TTC7B: variants seen among roughly 807,000 people sequenced by gnomAD.
The protein encoded by TTC7B is tetratricopeptide repeat domain 7B.
TTC7B carries 28 observed loss-of-function variants against 106.8 expected under a neutral mutation model. The observed-to-expected ratio is 0.26, with a 90% CI of 0.19 to 0.36. The LOEUF is 0.36. TTC7B is among the 10% of genes least tolerant of loss of function. The pLI is 1.00. For synonymous variants in TTC7B, 405 were observed against 430.6 expected (o/e 0.94, Z 0.74); for missense variants, 862 against 1,076.4 (o/e 0.80, Z 2.79).
intron 15 of TTC7B, among the ~76,000 whole-genome samples, chr14:90,620,760 A>T (rs1051291923): frequency 6.6e-6 from 1 of 152,262 alleles, no homozygotes; most frequent in Non-Finnish European, 1.5e-5. Flanking sequence ...ACAGAATGCC[A>T]GAGTGCGTCT....
At chr14:90,707,791 A>C (rs554508357) in intron 5 of TTC7B, among the ~76,000 whole-genome samples, 1 of 152,186 alleles carries the variant, frequency 6.6e-6, no homozygotes, top group South Asian at 2.1e-4. Flanking sequence ...GCAGAGGAAA[A>C]GTTTGAACCT....
At chr14:90,669,644 G>A (rs1489192707) in intron 9 of TTC7B, among the ~76,000 whole-genome samples, 2 of 151,658 alleles carry the variant, frequency 1.3e-5, no homozygotes, top group Non-Finnish European at 2.9e-5. Flanking sequence ...CACCAAAGAA[G>A]ATATACAAAT....
intron 9 of TTC7B, among the ~76,000 whole-genome samples, chr14:90,671,155 T>C (rs190420398): frequency 1.3e-5 from 2 of 152,262 alleles, no homozygotes; most frequent in Admixed American, 6.5e-5. Context: ...CTGCACGCAA[T>C]GCTGAACTTT....
intron 5 of TTC7B, 114 bp downstream of exon 5, chr14:90,729,961 T>C (rs1392072914): frequency 4.3e-6 from 5 of 1,151,066 alleles, no homozygotes; most frequent in African/African-American, 3.2e-5. Flanking sequence ...AAAGTTCCAA[T>C]GGTAGTTCAT....
chr14:90,657,409 G>T lies in TTC7B; in HGVS notation c.1237-131C>A. 1.4e-6 allele frequency: 1 copy of T among 728,050 alleles called. No homozygotes were observed. Among genetic ancestry groups the T allele is most frequent in the Non-Finnish European group, 2.2e-6 (1 of 452,626 alleles). 45.1% of individuals were successfully genotyped at this position (728,050 alleles called of 1,614,324 possible). On this transcript the variant is annotated intron_variant, in intron 10 of 19. Coordinates refer to ENST00000328459, the MANE Select transcript of TTC7B (RefSeq NM_001010854.2). The surrounding 1 kb of genome is among the most constrained non-coding windows in gnomAD (Gnocchi z 4.2). ...TGTCCAACTTTAAGCCCAAGCAAGC[G>T]GGGGCCTGAGGTGCATGAAAACCAG... is the stretch of plus-strand genomic sequence containing the variant.
chr14:90,552,567 G>T (rs1311491024), intron 19 of TTC7B, among the ~76,000 whole-genome samples: 1 of 152,176 alleles, frequency 6.6e-6, no homozygotes, highest in East Asian at 1.9e-4. Context: ...GAACATTCGT[G>T]TGGCCACTTC....
chr14:90,685,224 AGAGACTGTGGAGAAG>A (rs1887210040), intron 7 of TTC7B, among the ~76,000 whole-genome samples: 3 of 152,208 alleles, frequency 2.0e-5, no homozygotes, highest in Admixed American at 6.5e-5. Flanking sequence ...ACTTCTCATA[AGAGACTGTGGAGAAG>A]GAGACTGTTA....
chr14:90,766,108 A>G (rs577740324), intron 3 of TTC7B, among the ~76,000 whole-genome samples: 36 of 151,050 alleles, frequency 2.4e-4, no homozygotes, highest in Admixed American at 4.6e-4. Flanking sequence ...CCCCAGGCTG[A>G]TCCTTGGCAC....
intron 15 of TTC7B, among the ~76,000 whole-genome samples, chr14:90,641,567 A>G (rs566025105): frequency 1.2e-4 from 19 of 152,364 alleles, no homozygotes; most frequent in African/African-American, 4.3e-4. Context: ...CCAACTTTTA[A>G]TAAAGTATTC....
chr14:90,555,476 C>A (rs193032867), intron 19 of TTC7B, among the ~76,000 whole-genome samples: 1 of 152,152 alleles, frequency 6.6e-6, no homozygotes, highest in Admixed American at 6.5e-5. Context: ...ATCGCGTGCA[C>A]GCTGAGGGGT....
At chr14:90,730,300 T>A (rs777035466) in intron 4 of TTC7B, 104 bp from the exon 5 acceptor site, 1 of 1,370,840 alleles carries the variant, frequency 7.3e-7, no homozygotes, top group Non-Finnish European at 9.8e-7. Context: ...ACCAACTTCC[T>A]CAGGCAAATA....
At position 90,744,785 on chromosome 14, in the gene TTC7B, CACTT is replaced by C; in HGVS notation, c.576+3_576+6del. 6.2e-7 allele frequency: 1 copy of C among 1,612,192 alleles called. No individual in the cohort carries two copies. The highest frequency in any genetic ancestry group is 8.5e-7 in the Non-Finnish European group (1 of 1,179,588). ...TTATCAGGAACAAACACGTGGTCCT[CACTT>C]ACCCTTTCTATCTCTTGGAGATACA... On this transcript the variant is annotated splice_donor_5th_base_variant and intron_variant, in intron 4 of 19. Coordinates refer to ENST00000328459, the MANE Select transcript of TTC7B (RefSeq NM_001010854.2).
chr14:90,581,189 C>T (rs1260214541), intron 18 of TTC7B, among the ~76,000 whole-genome samples: 1 of 152,168 alleles, frequency 6.6e-6, no homozygotes, highest in Non-Finnish European at 1.5e-5. Flanking sequence ...CTGGGTGACT[C>T]CTGCAGACAC....
At chr14:90,731,087 A>C (rs986162529) in intron 4 of TTC7B, among the ~76,000 whole-genome samples, 1 of 151,878 alleles carries the variant, frequency 6.6e-6, no homozygotes, top group Non-Finnish European at 1.5e-5. Flanking sequence ...CTGGGACTAC[A>C]GGTGCCCACC....
chr14:90,764,768 T>G (rs1173793224), intron 3 of TTC7B, among the ~76,000 whole-genome samples: 1 of 152,196 alleles, frequency 6.6e-6, no homozygotes, highest in Non-Finnish European at 1.5e-5. Flanking sequence ...AGATACCATT[T>G]CATACACTCT....
chr14:90,659,854 A>G (rs978769662), intron 9 of TTC7B, among the ~76,000 whole-genome samples: 4 of 152,190 alleles, frequency 2.6e-5, no homozygotes, highest in Non-Finnish European at 5.9e-5. Flanking sequence ...CATGAGCAGA[A>G]CCAGCATGCA....
At chr14:90,565,220 A>G (rs1429470066) in intron 19 of TTC7B, among the ~76,000 whole-genome samples, 1 of 152,168 alleles carries the variant, frequency 6.6e-6, no homozygotes, top group African/African-American at 2.4e-5. Context: ...CTTTCTCCCT[A>G]TCAGCAATAA....
chr14:90,788,860 G>A (rs1176138227), intron 1 of TTC7B, among the ~76,000 whole-genome samples: 1 of 151,944 alleles, frequency 6.6e-6, no homozygotes, highest in Non-Finnish European at 1.5e-5. Context: ...CTACTTGGCA[G>A]GCTGAGGCAG....
Position 90,779,304 on chromosome 14 carries a change from A to G in TTC7B, c.445+1434T>C, listed in dbSNP as rs569274712. On this transcript the variant is annotated intron_variant, in intron 3 of 19. Transcript: ENST00000328459. ...GTTTGGGGTTGAGATTTTATTTTTT[A>G]TTTTTTTAATTTTTTTGAGATGGAG... Among the ~76,000 whole-genome samples the G allele has an allele frequency of 4.0e-5, 6 of 151,898 alleles. No individual in the cohort carries two copies. The East Asian group carries it at 7.8e-4, about 20-fold the overall frequency.
Sources: allele counts gnomAD v4.1 joint callset (sites outside exome capture counted in the v4.1 genomes callset), GRCh38; gene constraint gnomAD v4.1.1; non-coding constraint Gnocchi (gnomAD v3.1); transcripts MANE v1.5; gene names NCBI Gene and HGNC (gene_info 2026-07-23, HGNC 2026-07-21).